RELL1: variants seen among roughly 807,000 people sequenced by gnomAD.
RELL1 encodes the protein RELT-like protein 1.
Under a neutral mutation model 23.0 loss-of-function variants are expected in RELL1, and 10 were observed. The observed-to-expected ratio is 0.43, with a 90% confidence interval of 0.27 to 0.74. The LOEUF (loss-of-function observed/expected upper bound fraction) is 0.74, where lower values mean the gene tolerates loss of function less well. Among genes scored for constraint, RELL1 ranks in the 30% least tolerant of loss-of-function variants. The probability of loss-of-function intolerance (pLI) is 0.19; values close to 1 mark genes in which losing one functional copy is unlikely to be tolerated. For synonymous variants in RELL1, 146 were observed against 146.8 expected (o/e 0.99, Z 0.04); for missense variants, 315 against 364.4 (o/e 0.86, Z 1.10).
chr4:37,638,532 TTAAAA>T (rs770196219), intron 3 of RELL1, 28 bp from the exon 4 acceptor site: 5 of 1,540,880 alleles, frequency 3.2e-6, no homozygotes, highest in Non-Finnish European at 4.5e-6. Context: ...AATTAAAGAA[TTAAAA>T]TAGAATGAAT....
chr4:37,630,015 C>G (rs1345765877), intron 6 of RELL1, among the ~76,000 whole-genome samples: 3 of 152,140 alleles, frequency 2.0e-5, no homozygotes, highest in Non-Finnish European at 4.4e-5. Flanking sequence ...AGTATCTTGC[C>G]CAGGTCCCAG....
intron 1 of RELL1, among the ~76,000 whole-genome samples, chr4:37,662,469 G>C (rs1721388289): frequency 6.6e-6 from 1 of 151,784 alleles, no homozygotes; most frequent in African/African-American, 2.4e-5. Flanking sequence ...AAGGGAACAG[G>C]ACACTCTTGA....
intron 1 of RELL1, among the ~76,000 whole-genome samples, chr4:37,679,118 T>C (rs1314997863): frequency 6.6e-6 from 1 of 152,190 alleles, no homozygotes; most frequent in Non-Finnish European, 1.5e-5. Context: ...GTCCGGCCCC[T>C]CTACCCATCC....
chr4:37,654,573 C>G (rs531502735), intron 1 of RELL1, among the ~76,000 whole-genome samples: 1 of 152,174 alleles, frequency 6.6e-6, no homozygotes, highest in African/African-American at 2.4e-5. Context: ...ACACTGTATC[C>G]CTTCTTCTCC....
chr4:37,669,360 G>C (rs1198998626), intron 1 of RELL1, among the ~76,000 whole-genome samples: 1 of 142,818 alleles, frequency 7.0e-6, no homozygotes, highest in African/African-American at 2.6e-5. Flanking sequence ...GGAGGGAGGT[G>C]GGGGGGTCAG....
intron 2 of RELL1, among the ~76,000 whole-genome samples, chr4:37,649,055 G>T (rs1560346112): frequency 2.0e-5 from 3 of 152,178 alleles, no homozygotes; most frequent in Non-Finnish European, 2.9e-5. Flanking sequence ...CTTGTCTAAG[G>T]CCACAGGGCA....
chr4:37,590,788 G>A (rs148656791), downstream of RELL1: 2 of 1,614,114 alleles, frequency 1.2e-6, no homozygotes, highest in African/African-American at 2.7e-5. Flanking sequence ...ATTGAATGAG[G>A]ATGTGGAAAC....
At chr4:37,603,389 A>T (rs1272639476) in intron 6 of RELL1, among the ~76,000 whole-genome samples, 1 of 152,180 alleles carries the variant, frequency 6.6e-6, no homozygotes, top group Non-Finnish European at 1.5e-5. Context: ...TTCTGGGAAG[A>T]TGAGGAGAGG....
chr4:37,635,630 GA>G (rs961913716), intron 4 of RELL1, among the ~76,000 whole-genome samples: 4 of 150,658 alleles, frequency 2.7e-5, no homozygotes, highest in African/African-American at 9.7e-5. Context: ...GTCTCTAGAA[GA>G]AAAAAAAATG....
At chr4:37,658,523 CAG>C (rs1162520077) in intron 1 of RELL1, among the ~76,000 whole-genome samples, 2 of 152,118 alleles carry the variant, frequency 1.3e-5, no homozygotes, top group Admixed American at 6.5e-5. Context: ...GATGGGGAAA[CAG>C]AAGCATAGAA....
Position 37,647,410 on chromosome 4 carries a change from C to A in RELL1, c.343G>T (p.Asp115Tyr). ...TAGTGGACGATTTGCCCAACAGTGT[C>A]ACTGTTTTCATTCACACTGTCATTC... The part of the protein sequence containing the change: ...ELNDSVNENS[D>Y]TVGQIVHYIM... Residue 115 changes from aspartate to tyrosine, a missense_variant, in exon 3 of 7, where the codon GAC (aspartate) becomes TAC (tyrosine). Coordinates refer to ENST00000454158, the MANE Select transcript of RELL1 (RefSeq NM_001085400.2). 1 of 1,613,162 alleles carries A rather than the reference C, an allele frequency of 6.2e-7. No homozygotes were observed. Among genetic ancestry groups the A allele is most frequent in the South Asian group, 1.1e-5 (1 of 90,996 alleles).
chr4:37,670,517 A>G (rs1375446812), intron 1 of RELL1, among the ~76,000 whole-genome samples: 2 of 152,148 alleles, frequency 1.3e-5, no homozygotes, highest in Non-Finnish European at 2.9e-5. Flanking sequence ...ATAAAACACA[A>G]TGTAAACACA....
In RELL1 at chr4:37,662,081, T is replaced by G. The variant is rs562389868; in HGVS notation, c.89-12581A>C. Among the ~76,000 whole-genome samples the G allele has an allele frequency of 2.4e-4, 37 of 152,254 alleles. No homozygotes were observed. The South Asian group carries it at 2.5e-3, about 10-fold the overall frequency. The stretch of plus-strand genomic sequence containing the variant: ...TGTTAAAATTCCTGAAATGCTACCA[T>G]GAGTCATGAGCCCTGGAGTCTGATT... On this transcript the variant is annotated intron_variant, in intron 1 of 6. Coordinates refer to ENST00000454158, the MANE Select transcript of RELL1 (RefSeq NM_001085400.2).
downstream of RELL1, among the ~76,000 whole-genome samples, chr4:37,606,531 C>T (rs1369540256): frequency 6.6e-6 from 1 of 152,170 alleles, no homozygotes; most frequent in Non-Finnish European, 1.5e-5. The surrounding 1 kb of genome is among the most constrained non-coding windows in gnomAD (Gnocchi z 4.1). Flanking sequence ...GACCCTAAAC[C>T]CAATGCCTGG....
At chr4:37,673,025 C>G (rs901394056) in intron 1 of RELL1, among the ~76,000 whole-genome samples, 1 of 152,086 alleles carries the variant, frequency 6.6e-6, no homozygotes, top group African/African-American at 2.4e-5. Context: ...TGTGTGGTGG[C>G]TCATGCCTGT....
downstream of RELL1, among the ~76,000 whole-genome samples, chr4:37,605,765 AAGAGAG>A (rs1553871628): frequency 2.2e-5 from 2 of 92,070 alleles, no homozygotes; most frequent in African/African-American, 7.1e-5. Context: ...AGAATAAAGA[AAGAGAG>A]AGAGAGAGAG....
At chr4:37,615,622 C>G (rs1043581278) in intron 6 of RELL1, among the ~76,000 whole-genome samples, 1 of 152,176 alleles carries the variant, frequency 6.6e-6, no homozygotes, top group African/African-American at 2.4e-5. Flanking sequence ...CTGAGCAAGC[C>G]TGGCCTATCT....
intron 4 of RELL1, among the ~76,000 whole-genome samples, chr4:37,637,123 G>A (rs1388002641): frequency 6.6e-6 from 1 of 152,186 alleles, no homozygotes; most frequent in Non-Finnish European, 1.5e-5. Flanking sequence ...ACTACAGGAT[G>A]CCCAAAGATG....
intron 1 of RELL1, among the ~76,000 whole-genome samples, chr4:37,669,598 A>G (rs1466080552): frequency 2.0e-5 from 3 of 152,214 alleles, no homozygotes; most frequent in Admixed American, 6.5e-5. Flanking sequence ...AAAGGGGGGA[A>G]AGGTGGGGAA....
Sources: allele counts gnomAD v4.1 joint callset (sites outside exome capture counted in the v4.1 genomes callset), GRCh38; gene constraint gnomAD v4.1.1; non-coding constraint Gnocchi (gnomAD v3.1); transcripts MANE v1.5; gene names NCBI Gene and HGNC (gene_info 2026-07-23, HGNC 2026-07-21).